Variants in PTPRN2 observed in about 807,000 individuals in gnomAD.
PTPRN2 encodes the protein protein tyrosine phosphatase receptor type N2.
In PTPRN2, 74 loss-of-function variants were observed where a neutral mutation model predicts 118.8. The observed-to-expected ratio is 0.62, with a 90% confidence interval of 0.52 to 0.76. PTPRN2 has a LOEUF of 0.76. Ranked by LOEUF, PTPRN2 falls within the 30% of genes least tolerant of loss-of-function variation. The pLI is 0.00. For missense variants in PTPRN2, 1,481 were observed against 1,394.4 expected (o/e 1.06, Z -0.99); for synonymous variants, 641 against 608.0 (o/e 1.05, Z -0.80).
At chr7:158,298,262 C>A (rs960680322) in intron 3 of PTPRN2, among the ~76,000 whole-genome samples, 2 of 152,050 alleles carry the variant, frequency 1.3e-5, no homozygotes, top group Non-Finnish European at 2.9e-5. Flanking sequence ...TTTTTAATGT[C>A]TTTTGCTTGC....
chr7:158,060,809 A>G (rs1283976533), intron 11 of PTPRN2, among the ~76,000 whole-genome samples: 1 of 152,244 alleles, frequency 6.6e-6, no homozygotes, highest in Non-Finnish European at 1.5e-5. Flanking sequence ...GCATGGAAAG[A>G]GACCATGTAG....
chr7:158,256,871 A>G (rs1797055038), intron 3 of PTPRN2, among the ~76,000 whole-genome samples: 1 of 152,226 alleles, frequency 6.6e-6, no homozygotes, highest in South Asian at 2.1e-4. Flanking sequence ...AAATCTATCT[A>G]TAACCTAAAC....
Position 158,343,486 on chromosome 7 carries a change from G to A in PTPRN2, c.164-26554C>T, listed in dbSNP as rs72505567. Among the ~76,000 whole-genome samples, 18 of 152,322 alleles carry A rather than the reference G, an allele frequency of 1.2e-4. No individual in the cohort carries two copies. The South Asian group carries it at 1.2e-3, about 11-fold the overall frequency. On this transcript the variant is annotated intron_variant, in intron 2 of 22. Transcript: ENST00000389418. Reference sequence around the variant, plus strand: ...AGGAACGTAACCTGATGCAGTCGCCGTGGAAAGCACACGGGAAAAGTTCAA... The same window carrying A: ...AGGAACGTAACCTGATGCAGTCGCCATGGAAAGCACACGGGAAAAGTTCAA...
chr7:157,703,181 T>C (rs1455949409), intron 12 of PTPRN2, among the ~76,000 whole-genome samples: 2 of 152,208 alleles, frequency 1.3e-5, no homozygotes, highest in East Asian at 3.8e-4. Context: ...TGGAATTCTC[T>C]TTCCTGAGCG....
intron 5 of PTPRN2, among the ~76,000 whole-genome samples, chr7:158,170,969 A>G (rs1040461716): frequency 6.7e-6 from 1 of 149,990 alleles, no homozygotes; most frequent in African/African-American, 2.5e-5. Flanking sequence ...TATCCTTCAT[A>G]TATATACATA....
At position 157,843,950 on chromosome 7, in the gene PTPRN2, C is replaced by G. The variant is rs1052554779; in HGVS notation, c.1788+54723G>C. ...ATGTGGTGCCGTCACCAGTGCCACC[C>G]CACTGCAGGCACCGGGAGCTCTTCC... On this transcript the variant is annotated intron_variant, in intron 12 of 22. Transcript: ENST00000389418. 7.2e-5 allele frequency among the ~76,000 whole-genome samples: 11 copies of G among 152,320 alleles called. No individual in the cohort carries two copies. In the East Asian group the frequency reaches 1.5e-3, roughly 21 times the overall value.
chr7:157,592,038 G>A lies in PTPRN2; in HGVS notation c.2496+3200C>T, dbSNP rs1023123255. ...TTAGAAAAGCTGTGACCAGGTTGAG[G>A]GACGCTGGGGTTTCCTGGAACCACC... On this transcript the variant is annotated intron_variant, in intron 17 of 22. Coordinates refer to ENST00000389418, the MANE Select transcript of PTPRN2 (RefSeq NM_002847.5). Among the ~76,000 whole-genome samples the A allele has an allele frequency of 7.2e-5, 11 of 152,196 alleles. No individual in the cohort carries two copies. The East Asian group carries it at 2.1e-3, about 29-fold the overall frequency.
chr7:158,200,116 C>G (rs1826518548), intron 4 of PTPRN2, among the ~76,000 whole-genome samples: 1 of 152,188 alleles, frequency 6.6e-6, no homozygotes, highest in Admixed American at 6.5e-5. Context: ...AGTCCCCTTG[C>G]TGCTATAACT....
At chr7:158,300,441 G>T (rs1800801861) in intron 3 of PTPRN2, among the ~76,000 whole-genome samples, 1 of 139,114 alleles carries the variant, frequency 7.2e-6, no homozygotes. Context: ...CGCTGCTGTT[G>T]CTGTCTTGAA....
At position 158,236,132 on chromosome 7, in the gene PTPRN2, C is replaced by T. The variant is rs554526346; in HGVS notation, c.278-30859G>A. ...GCTGTGAGTAGATCCCAGGCACCAT[C>T]ACCATCGTCCTTGCCATTGCTGGCC... On this transcript the variant is annotated intron_variant, in intron 3 of 22. Transcript: ENST00000389418. Among the ~76,000 whole-genome samples the T allele has an allele frequency of 1.7e-3, 265 of 152,324 alleles. 1 individual carries two copies. Among genetic ancestry groups the T allele is most frequent in the African/African-American group, 6.1e-3 (255 of 41,588 alleles).
At chr7:158,444,602 G>A (rs964656919) in intron 2 of PTPRN2, among the ~76,000 whole-genome samples, 1 of 152,188 alleles carries the variant, frequency 6.6e-6, no homozygotes, top group African/African-American at 2.4e-5. Context: ...TAGACCCAGA[G>A]TGAGCCTAAA....
chr7:158,315,095 A>G (rs111611602), intron 3 of PTPRN2, among the ~76,000 whole-genome samples: 28 of 22,378 alleles, frequency 1.3e-3, no homozygotes, highest in African/African-American at 3.1e-3. Context: ...GGGACCCCCT[A>G]AAGGACAGAG....
chr7:158,247,942 C>T (rs1034611048), intron 3 of PTPRN2, among the ~76,000 whole-genome samples: 1 of 152,180 alleles, frequency 6.6e-6, no homozygotes, highest in Non-Finnish European at 1.5e-5. Context: ...AACCATACCT[C>T]GCACAAGACC....
At chr7:157,613,208 C>CCTT (rs1802493899) in intron 15 of PTPRN2, among the ~76,000 whole-genome samples, 2 of 152,262 alleles carry the variant, frequency 1.3e-5, no homozygotes, top group South Asian at 4.1e-4. Context: ...GTCGAGGGCG[C>CCTT]TGACGAGGCC....
rs9647692 is a variant in PTPRN2 at position 157,784,366 on chromosome 7, C to T, written c.1789-101429G>A. Among the ~76,000 whole-genome samples the T allele has an allele frequency of 0.11, 16,789 of 152,174 alleles. 983 individuals carry two copies. Among genetic ancestry groups the T allele is most frequent in the Middle Eastern group, 0.14 (41 of 294 alleles). On this transcript the variant is annotated intron_variant, in intron 12 of 22. Transcript: ENST00000389418. This position sits in a 1 kb window ranked among gnomAD's most constrained non-coding sequence, Gnocchi z 4.6. ...CAGCCCCTCGAACCTTCACCCGGGG[C>T]TCGTTTGCTGCTTCACACTGGAGGA...
chr7:158,425,619 C>T (rs1490820524), intron 2 of PTPRN2, among the ~76,000 whole-genome samples: 1 of 121,008 alleles, frequency 8.3e-6, no homozygotes, highest in African/African-American at 3.6e-5. Context: ...ACCCAGAGTC[C>T]GAGTCCAGCC....
intron 11 of PTPRN2, among the ~76,000 whole-genome samples, chr7:157,904,094 C>T (rs1797621687): frequency 6.6e-6 from 1 of 152,228 alleles, no homozygotes; most frequent in African/African-American, 2.4e-5. Context: ...ACTCGCCGAT[C>T]AGTGCTTCTG....
intron 2 of PTPRN2, among the ~76,000 whole-genome samples, chr7:158,337,106 A>G (rs1805744402): frequency 6.6e-6 from 1 of 151,758 alleles, no homozygotes; most frequent in African/African-American, 2.4e-5. Flanking sequence ...CACTCTCACC[A>G]TAAGAGCTGA....
At chr7:157,753,691 G>T (rs1282193097) in intron 12 of PTPRN2, among the ~76,000 whole-genome samples, 1 of 151,626 alleles carries the variant, frequency 6.6e-6, no homozygotes, top group Non-Finnish European at 1.5e-5. Flanking sequence ...CCCCACACCT[G>T]CCTTAACGCC....
Sources: gnomAD v4.1 joint callset for allele counts (sites outside exome capture counted in the v4.1 genomes callset) on GRCh38, gnomAD v4.1.1 for gene constraint, Gnocchi (gnomAD v3.1) non-coding constraint, MANE v1.5 for transcripts, NCBI Gene and HGNC (gene_info 2026-07-23, HGNC 2026-07-21) for gene names.